ZDHHC14: variants seen among roughly 807,000 people sequenced by gnomAD.
ZDHHC14 encodes the protein zDHHC palmitoyltransferase 14.
ZDHHC14 carries 16 observed loss-of-function variants against 47.7 expected under a neutral mutation model. The observed-to-expected ratio is 0.34, with a 90% CI of 0.23 to 0.51. The LOEUF is 0.51. Ranked by LOEUF, ZDHHC14 falls within the 20% of genes least tolerant of loss-of-function variation. ZDHHC14 has a pLI of 0.97. For missense variants in ZDHHC14, 515 were observed against 662.5 expected, an observed-to-expected ratio of 0.78 and a Z score of 2.44; for synonymous variants, 293 against 278.9, an observed-to-expected ratio of 1.05 and a Z score of -0.50.
At chr6:157,632,776 G>A (rs1364565440) in intron 4 of ZDHHC14, 58 bp from the exon 5 acceptor site, 20 of 1,490,108 alleles carry the variant, frequency 1.3e-5, no homozygotes, top group South Asian at 1.1e-5. Context: ...AGATGAGAGA[G>A]CATTCAGCAT....
intron 3 of ZDHHC14, among the ~76,000 whole-genome samples, chr6:157,607,891 A>G (rs1784602262): frequency 6.6e-6 from 1 of 152,274 alleles, no homozygotes; most frequent in Admixed American, 6.5e-5. Context: ...GAGGGCTTGT[A>G]TCACATCCAT....
At chr6:157,571,901 T>C (rs1783113398) in intron 2 of ZDHHC14, among the ~76,000 whole-genome samples, 1 of 151,740 alleles carries the variant, frequency 6.6e-6, no homozygotes, top group African/African-American at 2.4e-5. Context: ...TTGTCCTGCC[T>C]GCTAATAAGT....
intron 1 of ZDHHC14, among the ~76,000 whole-genome samples, chr6:157,462,782 G>A (rs1474469047): frequency 2.6e-5 from 4 of 152,246 alleles, no homozygotes; most frequent in Non-Finnish European, 5.9e-5. Flanking sequence ...GTGCCCCCCA[G>A]CCCTGGAGGG....
chr6:157,592,912 A>G, intron 2 of ZDHHC14, 76 bp from the exon 3 acceptor site: 1 of 1,514,544 alleles, frequency 6.6e-7, no homozygotes. Flanking sequence ...TGGAGCTTAC[A>G]CTCCAGGCGG....
At chr6:157,458,849 A>ATTTTTTTGTTTTTTTTTTTTTTTTT (rs1778992186) in intron 1 of ZDHHC14, among the ~76,000 whole-genome samples, 2 of 81,226 alleles carry the variant, frequency 2.5e-5, no homozygotes, top group Non-Finnish European at 4.6e-5. Flanking sequence ...ATGTGGGTGG[A>ATTTTTTTGTTTTTTTTTTTTTTTTT]TTTTTTTTTT....
In ZDHHC14 at chr6:157,536,819, C is replaced by CTTTTTTTTTTTT. The variant is rs768063106; in HGVS notation, c.246-5760_246-5749dup. Among the ~76,000 whole-genome samples the CTTTTTTTTTTTT allele has an allele frequency of 6.0e-3, 583 of 97,942 alleles. 138 individuals carry two copies. The highest frequency in any genetic ancestry group is 0.036 in the African/African-American group (556 of 15,604). The allele number at this position is 97,942 out of a possible 152,430, so 64.3% of individuals were successfully genotyped here. A position where few individuals can be genotyped will look rare whatever the true frequency, so the allele number is the denominator to read the frequency against. On this transcript the variant is annotated intron_variant, in intron 1 of 8. Transcript: ENST00000359775. Reference sequence around the variant, plus strand: ...TCTGTCTATCTATCCCTCCATCTATCTTTTTTTTTTTTTTTTTGAGACAGA... The same window carrying CTTTTTTTTTTTT: ...TCTGTCTATCTATCCCTCCATCTATCTTTTTTTTTTTTTTTTTTTTTTTTTTTTTGAGACAGA...
At chr6:157,528,439 AAAGCACGAT>A (rs770261582) in intron 1 of ZDHHC14, among the ~76,000 whole-genome samples, 19 of 151,770 alleles carry the variant, frequency 1.3e-4, no homozygotes, top group Non-Finnish European at 2.4e-4. Context: ...ATTAATTTAA[AAAGCACGAT>A]AGGGTGGGCG....
At chr6:157,653,374 A>G (rs2114992221) in intron 7 of ZDHHC14, 151 bp from the exon 8 acceptor site, 1 of 689,974 alleles carries the variant, frequency 1.4e-6, no homozygotes, top group African/African-American at 1.8e-5. Context: ...GTCACTGATT[A>G]TACACGAAAG....
chr6:157,420,995 G>A (rs530288108), intron 1 of ZDHHC14, among the ~76,000 whole-genome samples: 1 of 152,156 alleles, frequency 6.6e-6, no homozygotes, highest in Non-Finnish European at 1.5e-5. Context: ...TAGGTTTTCT[G>A]ATGCTTTGCA....
rs527531307 is a variant in ZDHHC14, at chr6:157,574,971, G to A, written c.407-18017G>A. ...GGAGAAACAGAATATATGTATGGGG[G>A]GCAGGGAAGAGGCGGGTTTATTTTA... On this transcript the variant is annotated intron_variant, in intron 2 of 8. Coordinates refer to ENST00000359775, the MANE Select transcript of ZDHHC14 (RefSeq NM_024630.3). 8.3e-4 allele frequency among the ~76,000 whole-genome samples: 127 copies of A among 152,308 alleles called. 2 individuals are homozygous for A. The highest frequency in any genetic ancestry group is 2.9e-3 in the African/African-American group (122 of 41,560).
chr6:157,549,891 A>C (rs1782150846), intron 2 of ZDHHC14, among the ~76,000 whole-genome samples: 1 of 152,236 alleles, frequency 6.6e-6, no homozygotes, highest in Non-Finnish European at 1.5e-5. Context: ...GTTGGAATTG[A>C]AGCCATTGTC....
intron 1 of ZDHHC14, among the ~76,000 whole-genome samples, chr6:157,474,899 A>G (rs1779442731): frequency 6.6e-6 from 1 of 151,928 alleles, no homozygotes; most frequent in Admixed American, 6.6e-5. Flanking sequence ...AGAGCTTTTC[A>G]GTTTGATGTA....
chr6:157,653,477 T>G (rs777332030), intron 7 of ZDHHC14, 48 bp from the exon 8 acceptor site: 1 of 1,603,098 alleles, frequency 6.2e-7, no homozygotes, highest in South Asian at 1.1e-5. Flanking sequence ...GCTGCATCTC[T>G]GGCTTTTTAT....
At chr6:157,618,646 C>T (rs1282718223) in intron 3 of ZDHHC14, among the ~76,000 whole-genome samples, 1 of 152,144 alleles carries the variant, frequency 6.6e-6, no homozygotes, top group Non-Finnish European at 1.5e-5. Context: ...ACCATGGTGA[C>T]GCAGAGCCCT....
chr6:157,464,320 A>G (rs1779159480), intron 1 of ZDHHC14, among the ~76,000 whole-genome samples: 1 of 152,228 alleles, frequency 6.6e-6, no homozygotes, highest in African/African-American at 2.4e-5. Context: ...TATATGCTGA[A>G]TAGTATCTTT....
intron 1 of ZDHHC14, among the ~76,000 whole-genome samples, chr6:157,492,009 G>T (rs1046169125): frequency 6.6e-6 from 1 of 152,238 alleles, no homozygotes; most frequent in Non-Finnish European, 1.5e-5. Flanking sequence ...GGAAGCCGGG[G>T]CTCCCCGCCA....
At chr6:157,564,665 T>C (rs1055894576) in intron 2 of ZDHHC14, among the ~76,000 whole-genome samples, 11 of 152,236 alleles carry the variant, frequency 7.2e-5, no homozygotes, top group African/African-American at 2.4e-4. Flanking sequence ...AGAAATAATT[T>C]CTTAAATCTG....
At chr6:157,509,421 A>G (rs1780406933) in intron 1 of ZDHHC14, among the ~76,000 whole-genome samples, 1 of 152,228 alleles carries the variant, frequency 6.6e-6, no homozygotes, top group Admixed American at 6.5e-5. Context: ...ATGTACACAC[A>G]TAGTGAACCT....
intron 1 of ZDHHC14, among the ~76,000 whole-genome samples, chr6:157,524,280 T>C (rs1009768232): frequency 6.6e-6 from 1 of 152,104 alleles, no homozygotes; most frequent in African/African-American, 2.4e-5. Flanking sequence ...ACTACAAGCG[T>C]GTGCCACCAC....
Sources: gnomAD v4.1 joint callset for allele counts (sites outside exome capture counted in the v4.1 genomes callset) on GRCh38, gnomAD v4.1.1 for gene constraint, MANE v1.5 for transcripts, NCBI Gene and HGNC (gene_info 2026-07-23, HGNC 2026-07-21) for gene names.